Variants in SDC4 observed in about 807,000 individuals in gnomAD.
SDC4 encodes the protein syndecan 4.
A neutral mutation model predicts 20.5 loss-of-function variants in SDC4; 17 were observed. The observed-to-expected ratio is 0.83, with a 90% CI of 0.57 to 1.25. SDC4 has a LOEUF of 1.25. Among genes scored for constraint, SDC4 ranks in the 50% most tolerant of loss-of-function variants. The pLI, the probability that SDC4 is intolerant of heterozygous loss-of-function variation, is 0.00. For missense variants in SDC4, 241 were observed against 252.3 expected (o/e 0.96, Z 0.30); for synonymous variants, 107 against 105.3 (o/e 1.02, Z -0.10).
intron 1 of SDC4, among the ~76,000 whole-genome samples, chr20:45,338,131 GC>G (rs1274449263): frequency 1.3e-5 from 2 of 152,166 alleles, no homozygotes. Flanking sequence ...CCTTAACCAA[GC>G]ACACAGCCTG....
intron 4 of SDC4, 23 bp from the exon 5 acceptor site, chr20:45,327,438 G>A: frequency 6.2e-7 from 1 of 1,607,262 alleles, no homozygotes; most frequent in Non-Finnish European, 8.5e-7. Context: ...AGAGAGAAGA[G>A]GCGGGGGTGA....
intron 1 of SDC4, among the ~76,000 whole-genome samples, chr20:45,339,843 A>C (rs1455894871): frequency 6.6e-6 from 1 of 152,122 alleles, no homozygotes; most frequent in African/African-American, 2.4e-5. Flanking sequence ...GAGATACTAC[A>C]TTCTTCCCCA....
chr20:45,347,313 G>A (rs1600736334), intron 1 of SDC4, among the ~76,000 whole-genome samples: 1 of 152,134 alleles, frequency 6.6e-6, no homozygotes, highest in Non-Finnish European at 1.5e-5. Flanking sequence ...GGGGCTAAAG[G>A]GCACAAAGGG....
chr20:45,327,259 A>G lies in SDC4; in HGVS notation c.*5T>C, dbSNP rs1444259551. 1.9e-6 allele frequency: 3 copies of G among 1,614,080 alleles called. No homozygotes were observed. Among genetic ancestry groups the G allele is most frequent in the East Asian group, 2.2e-5 (1 of 44,866 alleles). On this transcript the variant is annotated 3_prime_UTR_variant, in exon 5 of 5. Transcript: ENST00000372733. ...AAAGTCCAAGCCAGTGCCCACAAGC[A>G]AGCTTCACGCGTAGAACTCATTGGT...
At chr20:45,336,241 C>T (rs1987865276) in intron 1 of SDC4, among the ~76,000 whole-genome samples, 2 of 152,102 alleles carry the variant, frequency 1.3e-5, no homozygotes, top group Admixed American at 6.5e-5. Flanking sequence ...GGTGAAACCC[C>T]GTCTCTACTA....
chr20:45,345,236 G>C (rs191773401), intron 1 of SDC4: 4 of 152,144 alleles, frequency 2.6e-5, no homozygotes, highest in Non-Finnish European at 5.9e-5. Flanking sequence ...GGGGGAGAGA[G>C]GGAGGGATTC....
chr20:45,337,936 A>G (rs1291949075), intron 1 of SDC4, among the ~76,000 whole-genome samples: 1 of 152,240 alleles, frequency 6.6e-6, no homozygotes, highest in Admixed American at 6.5e-5. Flanking sequence ...CTCGGGAATC[A>G]GGAGCTGCCG....
At chr20:45,347,218 A>T (rs1471095126) in intron 1 of SDC4, among the ~76,000 whole-genome samples, 2 of 152,220 alleles carry the variant, frequency 1.3e-5, no homozygotes, top group African/African-American at 4.8e-5. Flanking sequence ...TCCGCTAAGT[A>T]AATTCAGAGG....
intron 1 of SDC4, among the ~76,000 whole-genome samples, chr20:45,341,798 C>T (rs1280265187): frequency 6.6e-6 from 1 of 152,108 alleles, no homozygotes; most frequent in Admixed American, 6.5e-5. Context: ...CTCCAGGATC[C>T]TAGGGTGCCA....
chr20:45,327,151 G>C lies in SDC4; in HGVS notation c.*113C>G. The stretch of plus-strand genomic sequence containing the variant: ...AACACTTCAAAGGTAATCAGAGCTG[G>C]AGATACTGACAAGTCAGTATTAGGT... On this transcript the variant is annotated 3_prime_UTR_variant, in exon 5 of 5. Coordinates refer to ENST00000372733, the MANE Select transcript of SDC4 (RefSeq NM_002999.4). 1 of 1,053,240 alleles carries C rather than the reference G, an allele frequency of 9.5e-7. No individual in the cohort carries two copies. The highest frequency in any genetic ancestry group is 2.4e-5 in the East Asian group (1 of 41,754). 65.2% of individuals were successfully genotyped at this position (1,053,240 alleles called of 1,614,324 possible).
intron 1 of SDC4, among the ~76,000 whole-genome samples, chr20:45,341,679 T>C (rs1009683657): frequency 3.3e-5 from 5 of 152,134 alleles, no homozygotes; most frequent in African/African-American, 1.2e-4. Context: ...AATGTCGCCT[T>C]CAAGGTCGGG....
intron 2 of SDC4, among the ~76,000 whole-genome samples, chr20:45,333,983 G>A (rs529355278): frequency 2.3e-5 from 3 of 132,884 alleles, no homozygotes; most frequent in Admixed American, 1.6e-4. Flanking sequence ...TTTCAGGGCT[G>A]ACTGAATCAA....
chr20:45,338,752 C>G (rs2145714398), intron 1 of SDC4, among the ~76,000 whole-genome samples: 1 of 152,324 alleles, frequency 6.6e-6, no homozygotes, highest in African/African-American at 2.4e-5. Flanking sequence ...TTGTGGGCAC[C>G]TGTTCATCCT....
chr20:45,335,624 C>T (rs1328676480), intron 2 of SDC4, among the ~76,000 whole-genome samples, 158 bp downstream of exon 2: 5 of 152,118 alleles, frequency 3.3e-5, no homozygotes, highest in African/African-American at 1.2e-4. Flanking sequence ...ATAGGTTAAT[C>T]CATTACTTTT....
intron 1 of SDC4, among the ~76,000 whole-genome samples, chr20:45,338,658 C>T (rs1198345620): frequency 1.3e-5 from 2 of 152,134 alleles, no homozygotes; most frequent in Non-Finnish European, 2.9e-5. Context: ...AGGCTATGAG[C>T]GAAAGTGGGG....
intron 1 of SDC4, among the ~76,000 whole-genome samples, chr20:45,338,956 C>T (rs1472252589): frequency 1.3e-5 from 2 of 152,138 alleles, no homozygotes; most frequent in African/African-American, 4.8e-5. Flanking sequence ...GAAACTTCTT[C>T]CAGCTCCCAG....
At position 45,330,738 on chromosome 20, in the gene SDC4, T is replaced by C. The variant is rs140583823; in HGVS notation, c.247-174A>G. Among the ~76,000 whole-genome samples, 24 of 152,248 alleles carry C rather than the reference T, an allele frequency of 1.6e-4. No homozygotes were observed. In the East Asian group the frequency reaches 4.2e-3, roughly 27 times the overall value. ...TCCACAATTATGCTGCCAAAATCCT[T>C]ATCCCCAACTTTTTTAGTATATCTG... On this transcript the variant is annotated intron_variant, in intron 3 of 4. Coordinates refer to ENST00000372733, the MANE Select transcript of SDC4 (RefSeq NM_002999.4).
At chr20:45,340,287 G>A (rs1216695182) in intron 1 of SDC4, among the ~76,000 whole-genome samples, 1 of 152,212 alleles carries the variant, frequency 6.6e-6, no homozygotes. Context: ...GTTTATACAA[G>A]TTCATTTAAA....
At chr20:45,335,408 C>CA (rs1309376174) in intron 2 of SDC4, among the ~76,000 whole-genome samples, 1 of 151,766 alleles carries the variant, frequency 6.6e-6, no homozygotes, top group Admixed American at 6.6e-5. Context: ...CTTTTCCTTT[C>CA]AAAAAAAGGA....
Sources: gnomAD v4.1 joint callset for allele counts (sites outside exome capture counted in the v4.1 genomes callset) on GRCh38, gnomAD v4.1.1 for gene constraint, MANE v1.5 for transcripts, NCBI Gene and HGNC (gene_info 2026-07-23, HGNC 2026-07-21) for gene names.